The following ITGA2 variants were observed in gnomAD, a reference collection of about 807,000 sequenced individuals.
ITGA2 encodes the protein integrin subunit alpha 2.
A neutral mutation model predicts 146.3 loss-of-function variants in ITGA2; 101 were observed. The observed-to-expected ratio is 0.69, with a 90% CI of 0.59 to 0.81. The LOEUF is 0.81. Among genes scored for constraint, ITGA2 ranks in the 40% least tolerant of loss-of-function variants. ITGA2 has a pLI of 0.00. For synonymous variants in ITGA2, 477 were observed against 487.1 expected (o/e 0.98, Z 0.27); for missense variants, 1,281 against 1,402.7 (o/e 0.91, Z 1.39).
intron 6 of ITGA2, among the ~76,000 whole-genome samples, 174 bp from the exon 7 acceptor site, chr5:53,051,236 CA>C: frequency 6.6e-6 from 1 of 152,142 alleles, no homozygotes; most frequent in East Asian, 1.9e-4. Flanking sequence ...TGGCCTCTAA[CA>C]GAGAAGAAAT....
At chr5:53,048,326 A>G in intron 4 of ITGA2, 37 bp from the exon 5 acceptor site, 1 of 1,492,722 alleles carries the variant, frequency 6.7e-7, no homozygotes, top group Non-Finnish European at 9.4e-7. Flanking sequence ...TGCATTTTTC[A>G]TGTGTTTCCA....
At chr5:53,020,450 AGGACATGCCTAGCAAATGAAAGTAAG>A (rs1332179145) in intron 1 of ITGA2, among the ~76,000 whole-genome samples, 2 of 152,172 alleles carry the variant, frequency 1.3e-5, no homozygotes, top group Non-Finnish European at 2.9e-5. Flanking sequence ...TCCCATTCTT[AGGACATGCCTAGCAAATGAAAGTAAG>A]AGTCAAATGC....
chr5:53,006,598 AATT>A (rs575695465), intron 1 of ITGA2, among the ~76,000 whole-genome samples: 171 of 152,338 alleles, frequency 1.1e-3, no homozygotes, highest in African/African-American at 3.9e-3. Context: ...TTTATTCAGT[AATT>A]ATTATTGAAC....
intron 20 of ITGA2, among the ~76,000 whole-genome samples, chr5:53,074,184 G>A (rs1745542400): frequency 6.6e-6 from 1 of 152,008 alleles, no homozygotes; most frequent in South Asian, 2.1e-4. Flanking sequence ...GATGTTCTAG[G>A]TATCTTTAGG....
intron 1 of ITGA2, among the ~76,000 whole-genome samples, chr5:53,005,509 A>C (rs780877443): frequency 1.1e-4 from 17 of 149,630 alleles, no homozygotes; most frequent in Non-Finnish European, 2.2e-4. Flanking sequence ...GGAACCCGGG[A>C]GGTGGAGGTT....
rs183039346 is a variant in ITGA2, at chr5:53,046,992, A to T, written c.388-1371A>T. Reference sequence around the variant, plus strand: ...TTAAAAAAAGCTTAGGAATGGGGATATAGAAACCAATAATTAGTATCTGTT... The same window carrying T: ...TTAAAAAAAGCTTAGGAATGGGGATTTAGAAACCAATAATTAGTATCTGTT... On this transcript the variant is annotated intron_variant, in intron 4 of 29. Transcript: ENST00000296585. Among the ~76,000 whole-genome samples the T allele has an allele frequency of 3.2e-3, 493 of 152,328 alleles. 4 individuals are homozygous for T. Among genetic ancestry groups the T allele is most frequent in the Non-Finnish European group, 3.6e-3 (244 of 68,014 alleles).
rs192820934 is a variant in ITGA2 at position 52,998,250 on chromosome 5, A to G, written c.64+8718A>G. Among the ~76,000 whole-genome samples, 279 of 152,156 alleles carry G rather than the reference A, an allele frequency of 1.8e-3. 2 individuals carry two copies. In the Middle Eastern group the frequency reaches 0.02, roughly 11 times the overall value. On this transcript the variant is annotated intron_variant, in intron 1 of 29. Coordinates refer to ENST00000296585, the MANE Select transcript of ITGA2 (RefSeq NM_002203.4). Reference sequence around the variant, plus strand: ...TTTGGGAGGCTGAGGTCAGGAGTTCAAGACCAGCTTGGCCAACATGGTGAA... The same window carrying G: ...TTTGGGAGGCTGAGGTCAGGAGTTCGAGACCAGCTTGGCCAACATGGTGAA...
intron 11 of ITGA2, among the ~76,000 whole-genome samples, chr5:53,060,418 A>C (rs1234968042): frequency 2.6e-5 from 4 of 151,928 alleles, no homozygotes; most frequent in African/African-American, 7.2e-5. Context: ...ATCTACATAA[A>C]CATTTAAATC....
chr5:52,996,134 A>C (rs1323360342), intron 1 of ITGA2, among the ~76,000 whole-genome samples: 2 of 152,186 alleles, frequency 1.3e-5, no homozygotes, highest in Admixed American at 6.5e-5. Flanking sequence ...AGTAAAAGGG[A>C]GGAGAGAGTA....
intron 1 of ITGA2, among the ~76,000 whole-genome samples, chr5:53,005,866 G>A (rs1579786272): frequency 6.6e-6 from 1 of 152,240 alleles, no homozygotes; most frequent in East Asian, 1.9e-4. Context: ...AAACCTCAGA[G>A]GCCAAGCTCT....
chr5:53,062,838 C>T lies in ITGA2; in HGVS notation c.1511C>T (p.Thr504Ile), dbSNP rs1165635941. 1 of 1,611,196 alleles carries T rather than the reference C, an allele frequency of 6.2e-7. No individual in the cohort carries two copies. The highest frequency in any genetic ancestry group is 8.5e-7 in the Non-Finnish European group (1 of 1,178,322). ...VLCSVDVDKD[T>I]ITDVLLVGAP... Reference sequence around the variant, plus strand: ...TGTTCAGTTGATGTGGATAAAGACACCATTACAGACGTGCTCTTGGTAGGT... The same window carrying T: ...TGTTCAGTTGATGTGGATAAAGACATCATTACAGACGTGCTCTTGGTAGGT... Residue 504 changes from threonine to isoleucine, a missense_variant, in exon 13 of 30, where the codon ACC becomes ATC. Coordinates refer to ENST00000296585, the MANE Select transcript of ITGA2 (RefSeq NM_002203.4).
intron 2 of ITGA2, among the ~76,000 whole-genome samples, chr5:53,031,957 T>A (rs1198710261): frequency 6.6e-6 from 1 of 152,166 alleles, no homozygotes; most frequent in Non-Finnish European, 1.5e-5. Context: ...TTTCTGTTTG[T>A]CTAATCTGAA....
intron 1 of ITGA2, among the ~76,000 whole-genome samples, chr5:53,004,186 A>G (rs182811430): frequency 3.9e-5 from 6 of 152,294 alleles, no homozygotes; most frequent in Admixed American, 1.3e-4. Flanking sequence ...GGATAAAATT[A>G]CATCCAGTTG....
At chr5:53,035,875 C>A (rs1743466220) in intron 2 of ITGA2, among the ~76,000 whole-genome samples, 1 of 152,072 alleles carries the variant, frequency 6.6e-6, no homozygotes, top group African/African-American at 2.4e-5. Context: ...AGTAAAATAT[C>A]CCCTTGGATG....
At chr5:53,086,724 T>C (rs2112041048) in intron 27 of ITGA2, among the ~76,000 whole-genome samples, 1 of 152,314 alleles carries the variant, frequency 6.6e-6, no homozygotes, top group Middle Eastern at 3.4e-3. Flanking sequence ...AGTTGATTTG[T>C]GGTGGCAAGG....
intron 10 of ITGA2, 139 bp from the exon 11 acceptor site, chr5:53,059,735 C>T (rs1744812893): frequency 5.8e-6 from 5 of 859,472 alleles, no homozygotes; most frequent in South Asian, 1.5e-5. Context: ...GACAATTCTA[C>T]AATATGTCAA....
chr5:53,031,949 T>C (rs983320653), intron 2 of ITGA2, among the ~76,000 whole-genome samples: 4 of 152,194 alleles, frequency 2.6e-5, no homozygotes, highest in Non-Finnish European at 5.9e-5. Context: ...ATGCACTCTT[T>C]CTGTTTGTCT....
At chr5:53,082,146 T>C (rs906786267) in intron 26 of ITGA2, among the ~76,000 whole-genome samples, 4 of 152,340 alleles carry the variant, frequency 2.6e-5, no homozygotes, top group African/African-American at 9.6e-5. Context: ...GCTGCACTTC[T>C]CTGTTTTTCA....
chr5:52,994,141 T>G (rs1053855359), intron 1 of ITGA2, among the ~76,000 whole-genome samples: 1 of 152,210 alleles, frequency 6.6e-6, no homozygotes, highest in Non-Finnish European at 1.5e-5. Context: ...AAACTAATAC[T>G]TGATAATATT....
Sources: allele counts gnomAD v4.1 joint callset (sites outside exome capture counted in the v4.1 genomes callset), GRCh38; gene constraint gnomAD v4.1.1; transcripts MANE v1.5; gene names NCBI Gene and HGNC (gene_info 2026-07-23, HGNC 2026-07-21).